TEAD4: variants seen among roughly 807,000 people sequenced by gnomAD.
TEAD4 encodes transcriptional enhancer factor TEF-3.
A neutral mutation model predicts 52.4 loss-of-function variants in TEAD4; 36 were observed. The ratio of observed to expected loss-of-function variants is 0.69; its 90% CI spans 0.53 to 0.91. The LOEUF (loss-of-function observed/expected upper bound fraction) is 0.91. Among genes scored for constraint, TEAD4 ranks in the 40% least tolerant of loss-of-function variants. TEAD4 has a pLI of 0.00. For missense variants in TEAD4, 508 were observed against 583.9 expected, an observed-to-expected ratio of 0.87 and a Z score of 1.34; for synonymous variants, 220 against 231.0, an observed-to-expected ratio of 0.95 and a Z score of 0.43.
At chr12:3,008,619 G>C (rs915024287) in intron 3 of TEAD4, among the ~76,000 whole-genome samples, 12 of 152,208 alleles carry the variant, frequency 7.9e-5, no homozygotes, top group African/African-American at 2.9e-4. Flanking sequence ...CTTGGACCCT[G>C]GAGGGTGCGG....
chr12:2,969,113 A>T (rs1386367478), intron 2 of TEAD4, among the ~76,000 whole-genome samples: 1 of 152,230 alleles, frequency 6.6e-6, no homozygotes, highest in East Asian at 1.9e-4. Flanking sequence ...AAACCACATA[A>T]AACTAGTGGG....
At chr12:3,031,796 T>C (rs573986433) in intron 10 of TEAD4, among the ~76,000 whole-genome samples, 3 of 152,310 alleles carry the variant, frequency 2.0e-5, no homozygotes, top group Admixed American at 2.0e-4. Context: ...GCCCAGTTCA[T>C]AGTACCAGAC....
chr12:2,991,233 G>A (rs2098242719), intron 2 of TEAD4, among the ~76,000 whole-genome samples: 1 of 152,056 alleles, frequency 6.6e-6, no homozygotes. Context: ...TTAAAGTGAT[G>A]AAAAATAAAA....
At chr12:3,012,726 T>C (rs767980319) in intron 5 of TEAD4, among the ~76,000 whole-genome samples, 36 of 152,118 alleles carry the variant, frequency 2.4e-4, no homozygotes, top group South Asian at 2.1e-4. Flanking sequence ...GGGCCTCTGC[T>C]GATAGGTGAT....
At chr12:3,016,194 A>G (rs150699298) in intron 5 of TEAD4, among the ~76,000 whole-genome samples, 94 of 151,940 alleles carry the variant, frequency 6.2e-4, no homozygotes, top group African/African-American at 2.2e-3. Flanking sequence ...CACCTGGCTA[A>G]TTTTTGTATT....
chr12:2,971,811 TTTC>T (rs1435808748), intron 2 of TEAD4, among the ~76,000 whole-genome samples: 1 of 135,728 alleles, frequency 7.4e-6, no homozygotes, highest in African/African-American at 3.0e-5. Flanking sequence ...TTTTTCTTTC[TTTC>T]TTTTTTTTTT....
At chr12:2,973,881 G>A (rs755719978) in intron 2 of TEAD4, among the ~76,000 whole-genome samples, 3 of 152,230 alleles carry the variant, frequency 2.0e-5, no homozygotes, top group Admixed American at 2.0e-4. Context: ...GCCTGCAGGA[G>A]TAAGGTGCTG....
At chr12:2,964,808 CAG>C (rs2098218914) in intron 2 of TEAD4, among the ~76,000 whole-genome samples, 1 of 152,082 alleles carries the variant, frequency 6.6e-6, no homozygotes, top group African/African-American at 2.4e-5. Context: ...CAGAGCGAGA[CAG>C]TGGGTGGAAC....
In TEAD4 at chr12:2,992,781, G is replaced by GTT. The variant is rs201919259; in HGVS notation, c.-29-1956_-29-1955insTT. 6.6e-3 allele frequency among the ~76,000 whole-genome samples: 998 copies of GTT among 152,272 alleles called. 12 individuals are homozygous for GTT. The highest frequency in any genetic ancestry group is 0.023 in the African/African-American group (960 of 41,548). Reference sequence around the variant, plus strand: ...GGGGGCTCTGCGAGGGCTGTGGGAGGTACGTGGTTCCCAGCTGGTACTCAT... The same window carrying GTT: ...GGGGGCTCTGCGAGGGCTGTGGGAGGTTTACGTGGTTCCCAGCTGGTACTCAT... On this transcript the variant is annotated intron_variant, in intron 2 of 12. Coordinates refer to ENST00000359864, the MANE Select transcript of TEAD4 (RefSeq NM_003213.4).
intron 2 of TEAD4, among the ~76,000 whole-genome samples, chr12:2,963,089 A>T (rs1195703732): frequency 6.6e-6 from 1 of 152,092 alleles, no homozygotes; most frequent in Admixed American, 6.6e-5. Context: ...CTCACTGTAG[A>T]ATCTGTGGAG....
chr12:2,971,203 A>G (rs2098224694), intron 2 of TEAD4, among the ~76,000 whole-genome samples: 1 of 152,202 alleles, frequency 6.6e-6, no homozygotes, highest in Non-Finnish European at 1.5e-5. Context: ...GAACGTGCAC[A>G]AGCAGGGTCT....
chr12:3,017,261 G>A (rs570359447), intron 5 of TEAD4, 137 bp from the exon 6 acceptor site: 32 of 1,145,004 alleles, frequency 2.8e-5, no homozygotes, highest in African/African-American at 9.4e-5. Flanking sequence ...TTAATAGCAC[G>A]GCACAGACTT....
intron 3 of TEAD4, among the ~76,000 whole-genome samples, chr12:3,002,087 A>G (rs2335330): frequency 0.04 from 6,061 of 152,280 alleles, 414 homozygotes; most frequent in African/African-American, 0.14. Flanking sequence ...GTGAGACTCC[A>G]TCTCAAAAAG....
chr12:2,962,311 TATAAATATATATATAAATATAA>T (rs1357409331), intron 2 of TEAD4, among the ~76,000 whole-genome samples: 1 of 114,060 alleles, frequency 8.8e-6, no homozygotes, highest in African/African-American at 3.7e-5. Context: ...AATATAAATA[TATAAATATATATATAAATATAA>T]ATATATATAT....
Position 2,994,943 on chromosome 12 carries a change from G to T in TEAD4, c.177G>T (p.Pro59=), listed in dbSNP as rs200760204. The T allele has an allele frequency of 1.2e-6, 2 of 1,614,028 alleles. No individual in the cohort carries two copies. Among genetic ancestry groups the T allele is most frequent in the Admixed American group, 1.7e-5 (1 of 60,012 alleles). ...TCCAGGAGGCCCTCGCCATCTACCCGCCCTGTGGCAGGCGCAAAATCATCC... is the reference window on the plus strand; with the variant it reads ...TCCAGGAGGCCCTCGCCATCTACCCTCCCTGTGGCAGGCGCAAAATCATCC... Residue 59 remains proline, a synonymous_variant, in exon 3 of 13, where the codon CCG becomes CCT. Transcript: ENST00000359864. The surrounding 1 kb of genome is among the most constrained non-coding windows in gnomAD (Gnocchi z 4.7).
chr12:3,025,520 A>G (rs1380846040), intron 10 of TEAD4, among the ~76,000 whole-genome samples: 4 of 150,120 alleles, frequency 2.7e-5, no homozygotes, highest in African/African-American at 1.0e-4. Context: ...CTAGAAAATG[A>G]TGACTTTTTT....
chr12:2,984,116 G>A (rs1322382142), intron 2 of TEAD4, among the ~76,000 whole-genome samples: 1 of 152,158 alleles, frequency 6.6e-6, no homozygotes, highest in Non-Finnish European at 1.5e-5. Flanking sequence ...TGATTTGGAT[G>A]GCTGAGTTTG....
In TEAD4 at chr12:3,017,582, C is replaced by T. The variant is rs557818460; in HGVS notation, c.483+56C>T. 43 of 1,557,610 alleles carry T rather than the reference C, an allele frequency of 2.8e-5. No individual in the cohort carries two copies. The African/African-American group carries it at 4.5e-4, about 16-fold the overall frequency. ...GCCAGCCCTCTCCTCCTCCCTCCTC[C>T]CTGTTCAGAAGAGCCAGAAGCATTG... is the stretch of plus-strand genomic sequence containing the variant. On this transcript the variant is annotated intron_variant, in intron 6 of 12. Coordinates refer to ENST00000359864, the MANE Select transcript of TEAD4 (RefSeq NM_003213.4).
At chr12:2,985,316 T>C (rs1178139418) in intron 2 of TEAD4, among the ~76,000 whole-genome samples, 3 of 151,254 alleles carry the variant, frequency 2.0e-5, no homozygotes, top group South Asian at 2.1e-4. Context: ...GCCTGGGAGG[T>C]GGAGCTTGCA....
Sources: gnomAD v4.1 joint callset for allele counts (sites outside exome capture counted in the v4.1 genomes callset) on GRCh38, gnomAD v4.1.1 for gene constraint, Gnocchi (gnomAD v3.1) non-coding constraint, MANE v1.5 for transcripts, NCBI Gene and HGNC (gene_info 2026-07-23, HGNC 2026-07-21) for gene names.